The following ZNF468 variants were observed in gnomAD, a reference collection of about 807,000 sequenced individuals.
ZNF468 encodes zinc finger protein 468, also known as zinc finger protein ZNF468.
In ZNF468, 8 loss-of-function variants were observed where a neutral mutation model predicts 7.2. The observed-to-expected ratio is 1.11, with a 90% confidence interval of 0.65 to 2.01. ZNF468 has a LOEUF of 2.01. Ranked by LOEUF, ZNF468 falls within the 30% of genes most tolerant of loss-of-function variation. The pLI is 0.00. For synonymous variants in ZNF468, 218 were observed against 214.4 expected (o/e 1.02, Z -0.15); for missense variants, 608 against 626.5 (o/e 0.97, Z 0.31).
At position 52,850,468 on chromosome 19, in the gene ZNF468, T is replaced by C. The variant is rs185690202; in HGVS notation, c.16-1255A>G. Reference sequence around the variant, plus strand: ...CAAAAAGCAAGCTAGCCATGTTCACTAACATGACAACATGTAAATTCACAA... The same window carrying C: ...CAAAAAGCAAGCTAGCCATGTTCACCAACATGACAACATGTAAATTCACAA... On this transcript the variant is annotated intron_variant, in intron 2 of 3. Coordinates refer to ENST00000595646, the MANE Select transcript of ZNF468 (RefSeq NM_001008801.2). Among the ~76,000 whole-genome samples the C allele has an allele frequency of 2.4e-3, 366 of 152,292 alleles. 1 individual carries two copies. The highest frequency in any genetic ancestry group is 8.3e-3 in the African/African-American group (347 of 41,560).
At position 52,855,276 on chromosome 19, in the gene ZNF468, G is replaced by A. The variant is rs1454966727; in HGVS notation, c.-73-931C>T. Among the ~76,000 whole-genome samples the A allele has an allele frequency of 1.3e-4, 20 of 152,182 alleles. 1 individual carries two copies. The highest frequency in any genetic ancestry group is 1.2e-3 in the Admixed American group (19 of 15,276). On this transcript the variant is annotated intron_variant, in intron 1 of 3. Coordinates refer to ENST00000595646, the MANE Select transcript of ZNF468 (RefSeq NM_001008801.2). ...CTGATGGGTAGAGGGAACTTCAGAT[G>A]GGGGTGGGAGGGCATGGGAGACAGC...
At chr19:52,844,585 C>A (rs2063328747) in intron 3 of ZNF468, among the ~76,000 whole-genome samples, 1 of 152,086 alleles carries the variant, frequency 6.6e-6, no homozygotes. Context: ...GTTGCCAAGT[C>A]TGGAGTGCAG....
intron 3 of ZNF468, among the ~76,000 whole-genome samples, chr19:52,844,822 A>G (rs1478160153): frequency 1.3e-5 from 2 of 152,112 alleles, no homozygotes; most frequent in African/African-American, 4.8e-5. Context: ...TAGAGGGGTG[A>G]GCCACCGCGG....
At chr19:52,850,242 G>A (rs56167334) in intron 2 of ZNF468, among the ~76,000 whole-genome samples, 14,274 of 152,060 alleles carry the variant, frequency 0.094, 670 homozygotes, top group African/African-American at 0.11. Flanking sequence ...TGGGCAGGGG[G>A]AATCTTGTCA....
intron 3 of ZNF468, among the ~76,000 whole-genome samples, chr19:52,848,055 A>G (rs1222952460): frequency 6.6e-6 from 1 of 152,196 alleles, no homozygotes; most frequent in Admixed American, 6.5e-5. Context: ...AAAGATGTCC[A>G]TTCAGAGATG....
At chr19:52,850,114 G>C (rs1248249202) in intron 2 of ZNF468, among the ~76,000 whole-genome samples, 1 of 152,054 alleles carries the variant, frequency 6.6e-6, no homozygotes, top group East Asian at 1.9e-4. Context: ...ATATGTGTGT[G>C]CATGTGTGTG....
chr19:52,857,396 G>C (rs1265099296), intron 1 of ZNF468, among the ~76,000 whole-genome samples, 176 bp downstream of exon 1: 2 of 152,234 alleles, frequency 1.3e-5, no homozygotes, highest in African/African-American at 2.4e-5. Flanking sequence ...CAGCCTCAGG[G>C]CGACTTTAAA....
chr19:52,856,823 G>C (rs1342679121), intron 1 of ZNF468, among the ~76,000 whole-genome samples: 1 of 151,778 alleles, frequency 6.6e-6, no homozygotes, highest in Non-Finnish European at 1.5e-5. Flanking sequence ...CCTCTACTTT[G>C]CCATCTGTTA....
rs2063283091 is a variant in ZNF468 at position 52,840,226 on chromosome 19, G to A, written c.*499C>T. On this transcript the variant is annotated 3_prime_UTR_variant, in exon 4 of 4. Coordinates refer to ENST00000595646, the MANE Select transcript of ZNF468 (RefSeq NM_001008801.2). ...TTGTAAGATTTCTATGCAGTATGAA[G>A]TCTATGATGACTTGCAAGGTGTGAT... The A allele has an allele frequency of 1.5e-5, 6 of 393,986 alleles. No individual in the cohort carries two copies. The highest frequency in any genetic ancestry group is 1.3e-4 in the South Asian group (6 of 46,732). 24.4% of individuals were successfully genotyped at this position (393,986 alleles called of 1,614,324 possible). A position where few individuals can be genotyped will look rare whatever the true frequency, so the allele number is the denominator to read the frequency against.
chr19:52,853,587 G>A (rs1373879092), intron 2 of ZNF468, among the ~76,000 whole-genome samples: 12,026 of 121,744 alleles, frequency 0.099, 1 homozygote, highest in African/African-American at 0.14. Context: ...GCTACTAGGT[G>A]GGCTGAGGCA....
Position 52,842,915 on chromosome 19 carries a change from G to A in ZNF468, c.143-764C>T, listed in dbSNP as rs1600514784. On this transcript the variant is annotated intron_variant, in intron 3 of 3. Transcript: ENST00000595646. ...GAGGAAGGTGGATCACCTCAGGTCA[G>A]GAGTTCAACCAGCCTGGCCAATGTG... Among the ~76,000 whole-genome samples, 6 of 150,012 alleles carry A rather than the reference G, an allele frequency of 4.0e-5. 2 individuals carry two copies. In the Admixed American group the frequency reaches 4.0e-4, roughly 10 times the overall value.
intron 2 of ZNF468, among the ~76,000 whole-genome samples, chr19:52,852,271 C>T (rs1300956253): frequency 6.6e-6 from 1 of 152,010 alleles, no homozygotes; most frequent in Non-Finnish European, 1.5e-5. Context: ...GAGTCTGAGG[C>T]AGGAGACTCA....
rs1023262284 is a variant in ZNF468 at position 52,853,885 on chromosome 19, C to T, written c.15+373G>A. ...TCTAGAACTTACCACGTACTTCGTG[C>T]ATATTAATACGTGACTCCCATTGGC... On this transcript the variant is annotated intron_variant, in intron 2 of 3. Coordinates refer to ENST00000595646, the MANE Select transcript of ZNF468 (RefSeq NM_001008801.2). The T allele has an allele frequency of 2.2e-5, 28 of 1,269,384 alleles. No individual in the cohort carries two copies. In the African/African-American group the frequency reaches 4.1e-4, roughly 18 times the overall value. The allele number at this position is 1,269,384 out of a possible 1,614,324, so 78.6% of individuals were successfully genotyped here. A position where few individuals can be genotyped will look rare whatever the true frequency, so the allele number is the denominator to read the frequency against.
At position 52,841,482 on chromosome 19, in the gene ZNF468, T is replaced by C; in HGVS notation, c.812A>G (p.Tyr271Cys). The change falls in exon 4 of 4, where the codon TAC (tyrosine) becomes TGC (cysteine). Residue 271 changes from tyrosine to cysteine, a missense_variant. Physicochemically the swap from Tyr to Cys is radical, Grantham distance 194. Coordinates refer to ENST00000595646, the MANE Select transcript of ZNF468 (RefSeq NM_001008801.2). ...GGTCTTGCCACACTCATTACACTTG[T>C]AAGGTTTCTCACCAGTGTGACATCT... The part of the protein sequence containing the change: ...HRRCHTGEKP[Y>C]KCNECGKTFG... 1 of 1,614,136 alleles carries C rather than the reference T, an allele frequency of 6.2e-7. No homozygotes were observed. Among genetic ancestry groups the C allele is most frequent in the Non-Finnish European group, 8.5e-7 (1 of 1,180,004 alleles).
rs199499086 is a variant in ZNF468, at chr19:52,840,852, G to A, written c.1442C>T (p.Ser481Leu). The change falls in exon 4 of 4, where the codon TCG becomes TTG. Residue 481 changes from serine (S) to leucine (L), a missense_variant. By Grantham distance (145) the Ser-to-Leu change is moderately radical. Coordinates refer to ENST00000595646, the MANE Select transcript of ZNF468 (RefSeq NM_001008801.2). ...ECGKTFGQTS[S>L]LIIHRRLHTG... ...ATGAAGCCTACGATGGATTATAAGC[G>A]ATGATGTCTGACCGAAGGTCTTGCC... is the stretch of plus-strand genomic sequence containing the variant. 154 of 1,594,786 alleles carry A rather than the reference G, an allele frequency of 9.7e-5. No individual in the cohort carries two copies. Among genetic ancestry groups the A allele is most frequent in the Middle Eastern group, 6.6e-4 (4 of 6,020 alleles).
Position 52,841,429 on chromosome 19 carries a change from G to C in ZNF468, c.865C>G (p.His289Asp), listed in dbSNP as rs1568674241. ...TFGHNSSLFI[H>D]KALHTGEKPY... ...TTCTCTCCAGTATGAAGCGCTTTGTGAATGAAGAGGGATGAATTATGACCA... is the reference window on the plus strand; with the variant it reads ...TTCTCTCCAGTATGAAGCGCTTTGTCAATGAAGAGGGATGAATTATGACCA... The change falls in exon 4 of 4, where the codon CAC (histidine) becomes GAC (aspartate). Residue 289 changes from histidine (H) to aspartate (D), a missense_variant. His to Asp is a moderately conservative substitution (Grantham distance 81). Transcript: ENST00000595646. 1.9e-6 allele frequency: 3 copies of C among 1,613,952 alleles called. No individual in the cohort carries two copies. The highest frequency in any genetic ancestry group is 1.7e-6 in the Non-Finnish European group (2 of 1,179,948).
At chr19:52,855,455 T>C (rs1290129652) in intron 1 of ZNF468, among the ~76,000 whole-genome samples, 74 of 151,410 alleles carry the variant, frequency 4.9e-4, no homozygotes, top group Middle Eastern at 3.4e-3. Flanking sequence ...CAGATGAGGG[T>C]AAGCTCCCAG....
At chr19:52,854,048 A>G (rs754776823) in intron 2 of ZNF468, 7 of 1,501,744 alleles carry the variant, frequency 4.7e-6, no homozygotes, top group Admixed American at 2.1e-5. Context: ...AGCCCTTCCC[A>G]GGACCTGCCC....
chr19:52,856,106 A>C (rs1270097706), intron 1 of ZNF468, among the ~76,000 whole-genome samples: 1 of 152,252 alleles, frequency 6.6e-6, no homozygotes, highest in African/African-American at 2.4e-5. Flanking sequence ...ATTCTTCCTT[A>C]CAAGAAAATC....
Sources: allele counts gnomAD v4.1 joint callset (sites outside exome capture counted in the v4.1 genomes callset), GRCh38; gene constraint gnomAD v4.1.1; transcripts MANE v1.5; gene names NCBI Gene and HGNC (gene_info 2026-07-23, HGNC 2026-07-21).